Variants in TSHZ3 observed in about 807,000 individuals in gnomAD.
TSHZ3 encodes teashirt homolog 3.
TSHZ3 carries 10 observed loss-of-function variants against 64.5 expected under a neutral mutation model. The ratio of observed to expected loss-of-function variants is 0.16; its 90% CI spans 0.10 to 0.26. The LOEUF (loss-of-function observed/expected upper bound fraction) is 0.26, where lower values mean the gene tolerates loss of function less well. Ranked by LOEUF, TSHZ3 falls within the 10% of genes least tolerant of loss-of-function variation. The pLI is 1.00. For missense variants in TSHZ3, 1,242 were observed against 1,421.7 expected (o/e 0.87, Z 2.03); for synonymous variants, 608 against 593.1 (o/e 1.03, Z -0.36).
At chr19:31,216,778 G>A (rs899810652) in intron 4 of TSHZ3, among the ~76,000 whole-genome samples, 1 of 152,010 alleles carries the variant, frequency 6.6e-6, no homozygotes, top group African/African-American at 2.4e-5. Flanking sequence ...GGGACCACAG[G>A]TGCCCGCCAC....
intron 1 of TSHZ3, among the ~76,000 whole-genome samples, chr19:31,320,166 CCAACTTGAGA>C (rs1369849889): frequency 6.6e-6 from 1 of 152,064 alleles, no homozygotes; most frequent in South Asian, 2.1e-4. Context: ...GAACAAGGAC[CCAACTTGAGA>C]ATGACAACAT....
chr19:31,308,817 G>A (rs748705398), intron 1 of TSHZ3: 5 of 396,482 alleles, frequency 1.3e-5, no homozygotes, highest in African/African-American at 2.1e-5. Context: ...GACTCCTACA[G>A]ATGGGCTTCA....
At chr19:31,223,231 T>C (rs1244659802) in intron 4 of TSHZ3, among the ~76,000 whole-genome samples, 1 of 152,190 alleles carries the variant, frequency 6.6e-6, no homozygotes, top group East Asian at 1.9e-4. Flanking sequence ...AATCAAAGGT[T>C]TACCAACTCA....
intron 1 of TSHZ3, among the ~76,000 whole-genome samples, chr19:31,294,082 T>C (rs1166154425): frequency 6.6e-6 from 1 of 152,164 alleles, no homozygotes; most frequent in Non-Finnish European, 1.5e-5. Context: ...CCTCATCTTA[T>C]GACCACAAGG....
At chr19:31,304,622 C>T (rs536253485) in intron 1 of TSHZ3, among the ~76,000 whole-genome samples, 1 of 151,418 alleles carries the variant, frequency 6.6e-6, no homozygotes, top group Non-Finnish European at 1.5e-5. Context: ...GTATCATTTC[C>T]AAACCTCTCT....
chr19:31,183,198 C>T (rs1033365460), intron 5 of TSHZ3, among the ~76,000 whole-genome samples: 6 of 67,424 alleles, frequency 8.9e-5, no homozygotes, highest in Admixed American at 7.8e-4. Flanking sequence ...CTCTCTCTCT[C>T]TCTCTCTCTC....
chr19:31,227,043 A>T (rs1392679579), intron 4 of TSHZ3, among the ~76,000 whole-genome samples: 1 of 125,096 alleles, frequency 8.0e-6, no homozygotes, highest in Non-Finnish European at 1.6e-5. Context: ...CAGTGGTGCC[A>T]TCTCGGCTTA....
intron 1 of TSHZ3, among the ~76,000 whole-genome samples, chr19:31,338,073 C>T (rs1286328981): frequency 2.0e-5 from 3 of 152,218 alleles, no homozygotes; most frequent in African/African-American, 7.2e-5. Flanking sequence ...TCGGGGCTCT[C>T]CCAGTAGTGT....
chr19:31,264,853 G>A (rs1482515687), intron 1 of TSHZ3, among the ~76,000 whole-genome samples: 2 of 152,150 alleles, frequency 1.3e-5, no homozygotes, highest in Non-Finnish European at 2.9e-5. Context: ...AGTCAACGAA[G>A]GTTCCTCTTT....
At chr19:31,325,044 G>A (rs760964479) in intron 1 of TSHZ3, among the ~76,000 whole-genome samples, 14 of 152,138 alleles carry the variant, frequency 9.2e-5, no homozygotes, top group South Asian at 2.1e-4. Flanking sequence ...AGTATTCCTC[G>A]GTCATTATCT....
At chr19:31,188,014 G>A (rs1974840795) in intron 5 of TSHZ3, among the ~76,000 whole-genome samples, 5 of 151,970 alleles carry the variant, frequency 3.3e-5, no homozygotes, top group Admixed American at 2.6e-4. Flanking sequence ...GAATATTACA[G>A]CAACATTGAA....
chr19:31,192,076 T>C (rs528515110), intron 5 of TSHZ3, among the ~76,000 whole-genome samples: 1 of 152,272 alleles, frequency 6.6e-6, no homozygotes, highest in South Asian at 2.1e-4. Context: ...TTTTAGTTCA[T>C]GGAGCACTGA....
chr19:31,227,023 G>C (rs534811947), intron 4 of TSHZ3, among the ~76,000 whole-genome samples: 1 of 83,828 alleles, frequency 1.2e-5, no homozygotes, highest in South Asian at 3.8e-4. Flanking sequence ...TTGTCATCCA[G>C]GCTGGAGTGC....
At chr19:31,168,257 G>A (rs956964262) in intron 5 of TSHZ3, among the ~76,000 whole-genome samples, 1 of 152,026 alleles carries the variant, frequency 6.6e-6, no homozygotes, top group Non-Finnish European at 1.5e-5. Flanking sequence ...ATATGAATAC[G>A]CGTACGCACC....
At chr19:31,314,976 G>A (rs968147433) in intron 1 of TSHZ3, among the ~76,000 whole-genome samples, 7 of 152,194 alleles carry the variant, frequency 4.6e-5, no homozygotes, top group Non-Finnish European at 7.3e-5. Context: ...CTACAGATGC[G>A]TGCTGGACAG....
chr19:31,154,313 T>C (rs1366804254), intron 6 of TSHZ3, among the ~76,000 whole-genome samples: 2 of 152,190 alleles, frequency 1.3e-5, no homozygotes, highest in Non-Finnish European at 2.9e-5. Flanking sequence ...ACATAATCTT[T>C]CTCTGACTCA....
chr19:31,186,567 T>C (rs796160685), intron 5 of TSHZ3, among the ~76,000 whole-genome samples: 6 of 152,364 alleles, frequency 3.9e-5, no homozygotes, highest in African/African-American at 1.4e-4. Context: ...ACCTCTTTTC[T>C]TGATAAATTA....
chr19:31,281,181 C>A (rs962799165), intron 1 of TSHZ3, among the ~76,000 whole-genome samples: 1 of 152,084 alleles, frequency 6.6e-6, no homozygotes, highest in Admixed American at 6.6e-5. Flanking sequence ...TTGACTCCAC[C>A]AGCTTTAAAG....
At chr19:31,272,253 A>G (rs745658093), downstream of TSHZ3, among the ~76,000 whole-genome samples, 8 of 151,930 alleles carry the variant, frequency 5.3e-5, no homozygotes, top group African/African-American at 9.7e-5. Context: ...TTTTTCCTCT[A>G]TAAGTATTTT....
Sources: allele counts gnomAD v4.1 joint callset (sites outside exome capture counted in the v4.1 genomes callset), GRCh38; gene constraint gnomAD v4.1.1; transcripts MANE v1.5; gene names NCBI Gene and HGNC (gene_info 2026-07-23, HGNC 2026-07-21).